Variants in CTNNA3 observed in about 807,000 individuals in gnomAD.
The protein encoded by CTNNA3 is catenin alpha 3.
Under a neutral mutation model 95.7 loss-of-function variants are expected in CTNNA3, and 76 were observed. That is an observed-to-expected ratio of 0.79 (90% CI 0.66 to 0.96). The LOEUF is 0.96. Ranked by LOEUF, CTNNA3 falls within the 40% of genes least tolerant of loss-of-function variation. The pLI is 0.00. For missense variants in CTNNA3, 1,191 were observed against 1,089.8 expected (o/e 1.09, Z -1.31); for synonymous variants, 431 against 374.4 (o/e 1.15, Z -1.74).
chr10:67,446,297 A>G (rs773407688), intron 5 of CTNNA3, among the ~76,000 whole-genome samples: 1 of 152,072 alleles, frequency 6.6e-6, no homozygotes, highest in African/African-American at 2.4e-5. Context: ...TCCACCCCTG[A>G]CAGAACTTTC....
chr10:67,290,141 CTGTGGTA>C (rs1839777824), intron 5 of CTNNA3, among the ~76,000 whole-genome samples: 1 of 152,110 alleles, frequency 6.6e-6, no homozygotes, highest in African/African-American at 2.4e-5. Context: ...GTCTTTAGAA[CTGTGGTA>C]TCCTTCATAC....
At chr10:67,402,432 G>T (rs1844957530) in intron 5 of CTNNA3, among the ~76,000 whole-genome samples, 1 of 152,156 alleles carries the variant, frequency 6.6e-6, no homozygotes, top group South Asian at 2.1e-4. Context: ...CAGAGAGTGG[G>T]CCGAGACCTC....
At chr10:67,066,644 T>A (rs1856109588) in intron 7 of CTNNA3, among the ~76,000 whole-genome samples, 1 of 151,670 alleles carries the variant, frequency 6.6e-6, no homozygotes, top group Non-Finnish European at 1.5e-5. Context: ...CACTAAATAA[T>A]AAAAAATCCT....
At chr10:67,232,125 G>C (rs894659705) in intron 5 of CTNNA3, among the ~76,000 whole-genome samples, 4 of 152,016 alleles carry the variant, frequency 2.6e-5, no homozygotes, top group Non-Finnish European at 5.9e-5. Flanking sequence ...AATCTAGCAA[G>C]GCAGGCCAAC....
At chr10:66,047,087 C>G (rs1172900184) in intron 15 of CTNNA3, among the ~76,000 whole-genome samples, 1 of 152,102 alleles carries the variant, frequency 6.6e-6, no homozygotes, top group Non-Finnish European at 1.5e-5. Context: ...TGAAACTATT[C>G]TATAAAATGG....
At chr10:66,555,645 A>G (rs753689674) in intron 10 of CTNNA3, among the ~76,000 whole-genome samples, 8 of 152,066 alleles carry the variant, frequency 5.3e-5, no homozygotes. Flanking sequence ...GTGATATTTT[A>G]AGCAATATTT....
At chr10:66,429,488 A>T (rs1444453089) in intron 11 of CTNNA3, among the ~76,000 whole-genome samples, 2 of 152,194 alleles carry the variant, frequency 1.3e-5, no homozygotes, top group Admixed American at 1.3e-4. Context: ...ATGAACGTCA[A>T]TGCAAAAATC....
At chr10:67,195,330 C>A (rs1258177817) in intron 6 of CTNNA3, among the ~76,000 whole-genome samples, 2 of 151,896 alleles carry the variant, frequency 1.3e-5, no homozygotes, top group Non-Finnish European at 2.9e-5. Flanking sequence ...CTCTCTTATT[C>A]AGTGGAGCTC....
At chr10:65,994,729 T>C (rs1429962057) in intron 15 of CTNNA3, among the ~76,000 whole-genome samples, 1 of 152,150 alleles carries the variant, frequency 6.6e-6, no homozygotes, top group African/African-American at 2.4e-5. Context: ...AGGCATCATT[T>C]TACTAAATAG....
chr10:67,058,090 C>T (rs1443382953), intron 7 of CTNNA3, among the ~76,000 whole-genome samples: 1 of 152,148 alleles, frequency 6.6e-6, no homozygotes, highest in Non-Finnish European at 1.5e-5. Context: ...TTCTTGCATG[C>T]TGGTGTCTCT....
At chr10:67,563,349 C>T (rs1408018005) in intron 3 of CTNNA3, among the ~76,000 whole-genome samples, 2 of 151,940 alleles carry the variant, frequency 1.3e-5, no homozygotes, top group African/African-American at 2.4e-5. Context: ...ACATCTACAA[C>T]CAGCTGATCT....
chr10:66,159,856 C>G (rs1204275085), intron 13 of CTNNA3, among the ~76,000 whole-genome samples: 1 of 151,808 alleles, frequency 6.6e-6, no homozygotes, highest in Non-Finnish European at 1.5e-5. Flanking sequence ...AATCTCACTG[C>G]TTGTTGTTGG....
rs76043220 is a variant in CTNNA3 at position 67,597,018 on chromosome 10, G to A, written c.292+9839C>T. Among the ~76,000 whole-genome samples, 14 of 152,196 alleles carry A rather than the reference G, an allele frequency of 9.2e-5. No homozygotes were observed. The East Asian group carries it at 2.7e-3, about 29-fold the overall frequency. On this transcript the variant is annotated intron_variant, in intron 3 of 17. Coordinates refer to ENST00000433211, the MANE Select transcript of CTNNA3 (RefSeq NM_013266.4). ...GTTGTTTCAAAGAACCATCCTTCAA[G>A]CTCTGAGATTCCTTCCTCAGCTTGA...
At chr10:66,451,934 C>T (rs2093467348) in intron 11 of CTNNA3, among the ~76,000 whole-genome samples, 1 of 152,100 alleles carries the variant, frequency 6.6e-6, no homozygotes, top group Non-Finnish European at 1.5e-5. Flanking sequence ...TCTGATTCTG[C>T]TTCCAAATTT....
intron 17 of CTNNA3, among the ~76,000 whole-genome samples, chr10:65,955,061 A>C (rs1205673454): frequency 6.6e-6 from 1 of 151,956 alleles, no homozygotes; most frequent in Non-Finnish European, 1.5e-5. Context: ...CTTTTATTTC[A>C]TTGAGCAGTG....
chr10:66,854,432 C>G (rs976117752), intron 7 of CTNNA3, among the ~76,000 whole-genome samples: 1 of 151,820 alleles, frequency 6.6e-6, no homozygotes, highest in Non-Finnish European at 1.5e-5. Flanking sequence ...ACTATGATCT[C>G]TAGGATTCGA....
chr10:67,136,510 G>A (rs1480374277), intron 7 of CTNNA3, among the ~76,000 whole-genome samples: 2 of 152,030 alleles, frequency 1.3e-5, no homozygotes, highest in African/African-American at 4.8e-5. Flanking sequence ...ATAAAAGAAT[G>A]ATTGCAATAT....
At chr10:67,224,505 C>G (rs1182804180) in intron 5 of CTNNA3, among the ~76,000 whole-genome samples, 2 of 152,140 alleles carry the variant, frequency 1.3e-5, no homozygotes, top group Non-Finnish European at 2.9e-5. Flanking sequence ...GCGGACTGCT[C>G]CTGCAAAATC....
At chr10:66,687,163 T>C (rs186497607) in intron 9 of CTNNA3, among the ~76,000 whole-genome samples, 89 of 152,204 alleles carry the variant, frequency 5.8e-4, no homozygotes, top group Middle Eastern at 3.4e-3. Context: ...GGAAAAAGGG[T>C]ACATTCATTT....
Sources: gnomAD v4.1 joint callset for allele counts (sites outside exome capture counted in the v4.1 genomes callset) on GRCh38, gnomAD v4.1.1 for gene constraint, MANE v1.5 for transcripts, NCBI Gene and HGNC (gene_info 2026-07-23, HGNC 2026-07-21) for gene names.